DENND1B: variants seen among roughly 807,000 people sequenced by gnomAD.
DENND1B encodes DENN domain-containing protein 1B.
Under a neutral mutation model 90.1 loss-of-function variants are expected in DENND1B, and 59 were observed. The ratio of observed to expected loss-of-function variants is 0.65; its 90% CI spans 0.53 to 0.81. The LOEUF (loss-of-function observed/expected upper bound fraction) is 0.81, where lower values mean the gene tolerates loss of function less well. Among genes scored for constraint, DENND1B ranks in the 40% least tolerant of loss-of-function variants. The pLI is 0.00. For missense variants in DENND1B, 862 were observed against 912.6 expected (o/e 0.94, Z 0.71); for synonymous variants, 337 against 324.6 (o/e 1.04, Z -0.41).
At chr1:197,567,531 TC>T (rs1307232823) in intron 15 of DENND1B, among the ~76,000 whole-genome samples, 1 of 152,000 alleles carries the variant, frequency 6.6e-6, no homozygotes, top group African/African-American at 2.4e-5. Context: ...ACAAGGAGAC[TC>T]CAAAAAGAAA....
At chr1:197,674,333 T>TTAA (rs1655835698) in intron 3 of DENND1B, among the ~76,000 whole-genome samples, 164 bp from the exon 4 acceptor site, 1 of 152,168 alleles carries the variant, frequency 6.6e-6, no homozygotes, top group African/African-American at 2.4e-5. Flanking sequence ...TAAAAAGGAA[T>TTAA]TAAGTTTGTG....
chr1:197,764,488 T>C (rs908347512), intron 2 of DENND1B, among the ~76,000 whole-genome samples: 3 of 152,180 alleles, frequency 2.0e-5, no homozygotes, highest in African/African-American at 7.2e-5. Context: ...CAAGTCTTTA[T>C]GAAATTCACT....
rs1476428498 is a variant in DENND1B, at chr1:197,674,187, A to T, written c.127-18T>A. The stretch of plus-strand genomic sequence containing the variant: ...AGTATTTCCTACAAATGGAAATTTC[A>T]AAAAAAAGAAATAAGTTTTAGAATA... On this transcript the variant is annotated intron_variant, in intron 3 of 22. Transcript: ENST00000620048. The T allele has an allele frequency of 7.9e-6, 12 of 1,527,224 alleles. No individual in the cohort carries two copies. The highest frequency in any genetic ancestry group is 1.1e-5 in the Non-Finnish European group (12 of 1,123,928). The allele number at this position is 1,527,224 out of a possible 1,614,324, so 94.6% of individuals were successfully genotyped here.
At chr1:197,515,186 A>C (rs1668311332) in intron 20 of DENND1B, among the ~76,000 whole-genome samples, 2 of 151,674 alleles carry the variant, frequency 1.3e-5, no homozygotes, top group Admixed American at 1.3e-4. Flanking sequence ...GGCAAAAAGG[A>C]AGGAATGAGT....
chr1:197,770,763 A>AAT (rs1298519165), intron 2 of DENND1B, among the ~76,000 whole-genome samples: 2 of 140,128 alleles, frequency 1.4e-5, no homozygotes, highest in African/African-American at 2.6e-5. Context: ...AATATATATA[A>AAT]ATATATATCT....
intron 20 of DENND1B, among the ~76,000 whole-genome samples, chr1:197,523,594 G>C (rs1668929036): frequency 6.6e-6 from 1 of 152,144 alleles, no homozygotes; most frequent in African/African-American, 2.4e-5. Context: ...TGATAGCTCA[G>C]AGTGAAGCAA....
chr1:197,563,548 T>C (rs1431474221), intron 15 of DENND1B, among the ~76,000 whole-genome samples: 2 of 151,920 alleles, frequency 1.3e-5, no homozygotes, highest in South Asian at 2.1e-4. Context: ...TTTCAAAACA[T>C]GACTGCTTAC....
intron 20 of DENND1B, among the ~76,000 whole-genome samples, chr1:197,529,238 ATATATGTGTG>A (rs1311070156): frequency 2.3e-4 from 2 of 8,870 alleles, no homozygotes; most frequent in Admixed American, 1.7e-3. Flanking sequence ...ATATATATAT[ATATATGTGTG>A]TGTGTGTGTG....
intron 2 of DENND1B, among the ~76,000 whole-genome samples, chr1:197,761,459 T>G (rs1362875558): frequency 6.6e-6 from 1 of 152,190 alleles, no homozygotes; most frequent in Non-Finnish European, 1.5e-5. Flanking sequence ...CATATGATGT[T>G]CCCGTGTATT....
chr1:197,738,681 C>T (rs560897669), intron 2 of DENND1B, among the ~76,000 whole-genome samples: 1 of 152,288 alleles, frequency 6.6e-6, no homozygotes, highest in East Asian at 1.9e-4. Context: ...GTTAAAGCAG[C>T]ACTTTTACAT....
At chr1:197,720,396 C>T (rs1316312004) in intron 2 of DENND1B, among the ~76,000 whole-genome samples, 2 of 151,948 alleles carry the variant, frequency 1.3e-5, no homozygotes, top group Non-Finnish European at 2.9e-5. Context: ...CACCACCATG[C>T]CCAACTAATT....
At chr1:197,707,826 C>T (rs1659746248) in intron 3 of DENND1B, among the ~76,000 whole-genome samples, 1 of 147,664 alleles carries the variant, frequency 6.8e-6, no homozygotes, top group Non-Finnish European at 1.5e-5. Context: ...CCGGGTTCAT[C>T]TCACTAGGGA....
At chr1:197,618,832 T>C (rs1677890738) in intron 10 of DENND1B, among the ~76,000 whole-genome samples, 1 of 151,138 alleles carries the variant, frequency 6.6e-6, no homozygotes, top group Admixed American at 6.6e-5. Context: ...TCTATTATTA[T>C]ACAAAGATAT....
At chr1:197,550,039 A>T (rs1202843484) in intron 16 of DENND1B, among the ~76,000 whole-genome samples, 1 of 152,130 alleles carries the variant, frequency 6.6e-6, no homozygotes, top group East Asian at 1.9e-4. Flanking sequence ...TAGTGTATAA[A>T]CTACTACTGC....
At chr1:197,691,636 C>G (rs1263354382) in intron 3 of DENND1B, among the ~76,000 whole-genome samples, 1 of 151,932 alleles carries the variant, frequency 6.6e-6, no homozygotes, top group Non-Finnish European at 1.5e-5. Context: ...AAATCAGGAT[C>G]ATAAAGGGAT....
rs1018992955 is a variant in DENND1B, at chr1:197,534,414, T to G, written c.1515+5550A>C. Among the ~76,000 whole-genome samples, 26 of 152,348 alleles carry G rather than the reference T, an allele frequency of 1.7e-4. 1 individual carries two copies. The highest frequency in any genetic ancestry group is 6.3e-4 in the African/African-American group (26 of 41,586). On this transcript the variant is annotated intron_variant, in intron 20 of 22. Coordinates refer to ENST00000620048, the MANE Select transcript of DENND1B (RefSeq NM_001195215.2). ...GTCTTCCAAAACAAAAGTCTTTGTCTCTGCTAGGTACCTCCACCAGAATGT... is the reference window on the plus strand; with the variant it reads ...GTCTTCCAAAACAAAAGTCTTTGTCGCTGCTAGGTACCTCCACCAGAATGT...
At chr1:197,703,168 A>G (rs1180522092) in intron 3 of DENND1B, among the ~76,000 whole-genome samples, 1 of 151,914 alleles carries the variant, frequency 6.6e-6, no homozygotes, top group Non-Finnish European at 1.5e-5. Flanking sequence ...TTTTGTTTTT[A>G]GTAGAGACAG....
At position 197,645,732 on chromosome 1, in the gene DENND1B, GA is replaced by G; in HGVS notation, c.518del (p.Phe173SerfsTer6). The G allele has an allele frequency of 6.4e-7, 1 of 1,571,548 alleles. No individual in the cohort carries two copies. Among genetic ancestry groups the G allele is most frequent in the Non-Finnish European group, 8.6e-7 (1 of 1,158,752 alleles). On this transcript the variant is annotated frameshift_variant, in exon 9 of 23. Transcript: ENST00000620048. LOFTEE classifies it high-confidence loss of function. ...DQPALVPHSY[F>X]IAPDVTGLPT... ...GGAGTCCAGTTACATCAGGGGCAAT[GA>G]AGTAGGAATGCTAATCAATACAAAT...
intron 20 of DENND1B, among the ~76,000 whole-genome samples, chr1:197,535,479 C>G (rs954101209): frequency 1.3e-5 from 2 of 152,092 alleles, no homozygotes; most frequent in Non-Finnish European, 2.9e-5. Context: ...ACAACAATAA[C>G]TGATACTGAA....
Sources: allele counts gnomAD v4.1 joint callset (sites outside exome capture counted in the v4.1 genomes callset), GRCh38; gene constraint gnomAD v4.1.1; transcripts MANE v1.5; gene names NCBI Gene and HGNC (gene_info 2026-07-23, HGNC 2026-07-21).